Variants in NLRP9 observed in about 807,000 individuals in gnomAD.
NLRP9 encodes NLR family pyrin domain containing 9, also known as NACHT, LRR and PYD domains-containing protein 9.
A neutral mutation model predicts 83.1 loss-of-function variants in NLRP9; 88 were observed. That is an observed-to-expected ratio of 1.06 (90% CI 0.89 to 1.26). The LOEUF (loss-of-function observed/expected upper bound fraction) is 1.26. NLRP9 is among the 50% of genes most tolerant of loss of function. The probability of loss-of-function intolerance (pLI) is 0.00; values close to 1 mark genes in which losing one functional copy is unlikely to be tolerated. For synonymous variants in NLRP9, 521 were observed against 447.6 expected (o/e 1.16, Z -2.07); for missense variants, 1,308 against 1,179.3 (o/e 1.11, Z -1.60).
chr19:55,731,500 G>A (rs985714226), intron 2 of NLRP9, among the ~76,000 whole-genome samples: 1 of 152,078 alleles, frequency 6.6e-6, no homozygotes, highest in African/African-American at 2.4e-5. Flanking sequence ...GAGATGGGTG[G>A]ATCACCTGAG....
chr19:55,710,189 G>A (rs1987652512), intron 8 of NLRP9, among the ~76,000 whole-genome samples: 1 of 152,104 alleles, frequency 6.6e-6, no homozygotes, highest in Non-Finnish European at 1.5e-5. Context: ...TTTGGGTGTG[G>A]GGATGGTGGT....
chr19:55,732,199 T>A lies in NLRP9; in HGVS notation c.1632A>T (p.Glu544Asp), dbSNP rs1988593466. 1 of 1,613,496 alleles carries A rather than the reference T, an allele frequency of 6.2e-7. No homozygotes were observed. Residue 544 changes from glutamate to aspartate, a missense_variant, in exon 2 of 9, where the codon GAA becomes GAT. By Grantham distance (45) the Glu-to-Asp change is conservative (BLOSUM62 2). Coordinates refer to ENST00000332836, the MANE Select transcript of NLRP9 (RefSeq NM_176820.4). ...GAGTTTCAAACAAACCAATGAATAG[T>A]TCCTGGAAAGCTATGGCTTCCCTAT... Reference protein sequence around the residue: ...EADREAIAFQELFIGLFETQE... With the variant: ...EADREAIAFQDLFIGLFETQE...
chr19:55,727,548 T>C (rs1988438657), intron 3 of NLRP9, among the ~76,000 whole-genome samples: 1 of 152,294 alleles, frequency 6.6e-6, no homozygotes, highest in East Asian at 1.9e-4. Flanking sequence ...ACATATCCCA[T>C]TGAAATTCAG....
In NLRP9 at chr19:55,722,486, C is replaced by T. The variant is rs141631551; in HGVS notation, c.2159+1494G>A. 1.0e-3 allele frequency among the ~76,000 whole-genome samples: 159 copies of T among 152,220 alleles called. 1 individual carries two copies. The highest frequency in any genetic ancestry group is 3.4e-3 in the Middle Eastern group (1 of 294). On this transcript the variant is annotated intron_variant, in intron 4 of 8. Coordinates refer to ENST00000332836, the MANE Select transcript of NLRP9 (RefSeq NM_176820.4). ...GCCTCTTTCTCCTGATGGGTCTAGA[C>T]GCATAAAATTAACCAAGTATAGATG...
At chr19:55,719,862 G>A (rs182436297) in intron 4 of NLRP9, among the ~76,000 whole-genome samples, 2 of 148,096 alleles carry the variant, frequency 1.4e-5, no homozygotes, top group African/African-American at 5.3e-5. Flanking sequence ...CAATGGGGGT[G>A]GGAGGGGAAA....
In NLRP9 at chr19:55,724,012, C is replaced by T; in HGVS notation, c.2127G>A (p.Leu709=). The change falls in exon 4 of 9, where the codon CTG becomes CTA. Residue 709 remains leucine (L), a synonymous_variant. Transcript: ENST00000332836. ...CTTCTATCTTGCACATTGGATGTTT[C>T]AGCGTCTCACACAGGTGTCTGATGT... The part of the protein sequence containing the change: ...QSDIRHLCET[L]KHPMCKIEEL... 6.2e-7 allele frequency: 1 copy of T among 1,614,026 alleles called. No homozygotes were observed. Among genetic ancestry groups the T allele is most frequent in the East Asian group, 2.2e-5 (1 of 44,882 alleles).
In NLRP9 at chr19:55,732,240, T is replaced by G; in HGVS notation, c.1591A>C (p.Ser531Arg). Reference sequence around the variant, plus strand: ...GCTTCCCTATCAGCTTCACATTGACTTAAACTTTCAAGGCATTGGGTTATT... The same window carrying G: ...GCTTCCCTATCAGCTTCACATTGACGTAAACTTTCAAGGCATTGGGTTATT... Reference protein sequence around the residue: ...QEITQCLESLSQCEADREAIA... With the variant: ...QEITQCLESLRQCEADREAIA... The change falls in exon 2 of 9, where the codon AGT (serine) becomes CGT (arginine). Residue 531 changes from serine to arginine, a missense_variant. Ser to Arg is a moderately radical substitution (Grantham distance 110). Transcript: ENST00000332836. 2 of 1,614,110 alleles carry G rather than the reference T, an allele frequency of 1.2e-6. No individual in the cohort carries two copies. Among genetic ancestry groups the G allele is most frequent in the Non-Finnish European group, 1.7e-6 (2 of 1,179,942 alleles).
intron 1 of NLRP9, 72 bp from the exon 2 acceptor site, chr19:55,733,622 A>G (rs1011016944): frequency 3.2e-6 from 3 of 945,478 alleles, no homozygotes; most frequent in Non-Finnish European, 4.8e-6. Context: ...AGAACTGTAA[A>G]CCAAAAATAA....
At chr19:55,717,388 C>T (rs961668081) in intron 4 of NLRP9, among the ~76,000 whole-genome samples, 2 of 152,152 alleles carry the variant, frequency 1.3e-5, no homozygotes, top group Non-Finnish European at 2.9e-5. Context: ...TCATTAATCC[C>T]GTAGGTTTGC....
chr19:55,732,649 G>C lies in NLRP9; in HGVS notation c.1182C>G (p.Ser394Arg). ...TTCCCTCTGCAGCCAAAGCACACAG[G>C]CTTTTTAGTCGGGCTCTGTTCACCT... ...PPKVNRARLKSLCALAAEGIW... is the reference protein window; with the variant it reads ...PPKVNRARLKRLCALAAEGIW... The change falls in exon 2 of 9, where the codon AGC becomes AGG. Residue 394 changes from serine (S) to arginine (R), a missense_variant. Ser to Arg is a moderately radical substitution (Grantham distance 110). Coordinates refer to ENST00000332836, the MANE Select transcript of NLRP9 (RefSeq NM_176820.4). 1 of 1,614,180 alleles carries C rather than the reference G, an allele frequency of 6.2e-7. No individual in the cohort carries two copies. The highest frequency in any genetic ancestry group is 8.5e-7 in the Non-Finnish European group (1 of 1,180,036).
At chr19:55,714,867 A>G (rs902350927) in intron 6 of NLRP9, among the ~76,000 whole-genome samples, 188 bp downstream of exon 6, 14 of 152,206 alleles carry the variant, frequency 9.2e-5, no homozygotes, top group African/African-American at 3.4e-4. Context: ...CTCCACCCTC[A>G]TAACCTCATC....
intron 4 of NLRP9, among the ~76,000 whole-genome samples, chr19:55,720,912 G>C (rs1988205270): frequency 6.6e-6 from 1 of 152,146 alleles, no homozygotes; most frequent in Admixed American, 6.5e-5. Context: ...CAAATGAAAA[G>C]GCGCTCATAT....
intron 3 of NLRP9, among the ~76,000 whole-genome samples, chr19:55,725,505 T>G (rs1208930185): frequency 2.0e-5 from 3 of 152,076 alleles, no homozygotes; most frequent in Admixed American, 6.5e-5. Flanking sequence ...TAGGCCAGAA[T>G]CAAAACACAG....
At chr19:55,729,534 C>T (rs903879567) in intron 3 of NLRP9, among the ~76,000 whole-genome samples, 2 of 151,932 alleles carry the variant, frequency 1.3e-5, no homozygotes, top group African/African-American at 4.8e-5. Flanking sequence ...TGGTTTCCAG[C>T]TTCGTCCATG....
intron 4 of NLRP9, among the ~76,000 whole-genome samples, chr19:55,721,698 A>T (rs1325657183): frequency 6.6e-6 from 1 of 152,150 alleles, no homozygotes; most frequent in African/African-American, 2.4e-5. Context: ...TGTAGCTCCC[A>T]TAATTCCCAT....
chr19:55,730,249 T>C (rs1325138503), intron 2 of NLRP9, among the ~76,000 whole-genome samples: 1 of 151,998 alleles, frequency 6.6e-6, no homozygotes, highest in African/African-American at 2.4e-5. Context: ...AGCTTAGGAG[T>C]TTGAGGACGG....
chr19:55,737,500 A>G (rs1568606503), intron 1 of NLRP9: 1 of 152,728 alleles, frequency 6.5e-6, no homozygotes, highest in Non-Finnish European at 1.5e-5. Context: ...GTGCTCCCCT[A>G]CTAGAACCTC....
At chr19:55,717,034 T>A in intron 4 of NLRP9, 136 bp from the exon 5 acceptor site, 4 of 130,836 alleles carry the variant, frequency 3.1e-5, no homozygotes, top group Admixed American at 9.2e-5. Flanking sequence ...ACTCTTTTTC[T>A]TTTTTTTTTT....
rs560842020 is a variant in NLRP9 at position 55,729,085 on chromosome 19, G to A, written c.1994+746C>T. Among the ~76,000 whole-genome samples the A allele has an allele frequency of 3.0e-4, 23 of 76,446 alleles. 1 individual carries two copies. The South Asian group carries it at 8.1e-3, about 27-fold the overall frequency. 50.2% of individuals were successfully genotyped at this position (76,446 alleles called of 152,430 possible). On this transcript the variant is annotated intron_variant, in intron 3 of 8. Coordinates refer to ENST00000332836, the MANE Select transcript of NLRP9 (RefSeq NM_176820.4). ...TTTTTTTTTTTTTTACAAATTTAAG[G>A]CTATTTTTCTGTCTGTCCTCAGCAC...
Sources: allele counts gnomAD v4.1 joint callset (sites outside exome capture counted in the v4.1 genomes callset), GRCh38; gene constraint gnomAD v4.1.1; transcripts MANE v1.5; gene names NCBI Gene and HGNC (gene_info 2026-07-23, HGNC 2026-07-21).